The following MAPK4 variants were observed in gnomAD, a reference collection of about 807,000 sequenced individuals.
The protein encoded by MAPK4 is Erk3-related.
A neutral mutation model predicts 47.7 loss-of-function variants in MAPK4; 22 were observed. That is an observed-to-expected ratio of 0.46 (90% CI 0.33 to 0.66). MAPK4 has a LOEUF of 0.66. MAPK4 is among the 30% of genes least tolerant of loss of function. MAPK4 has a pLI of 0.02. For synonymous variants in MAPK4, 390 were observed against 365.7 expected, an observed-to-expected ratio of 1.07 and a Z score of -0.76; for missense variants, 736 against 831.7, an observed-to-expected ratio of 0.88 and a Z score of 1.42.
chr18:50,709,616 T>C (rs1171547990), intron 2 of MAPK4, among the ~76,000 whole-genome samples: 1 of 152,222 alleles, frequency 6.6e-6, no homozygotes, highest in East Asian at 1.9e-4. Context: ...CTGAGTGGTC[T>C]GCACATTCAC....
chr18:50,711,058 T>C (rs571123846), intron 2 of MAPK4, among the ~76,000 whole-genome samples: 1 of 152,290 alleles, frequency 6.6e-6, no homozygotes, highest in South Asian at 2.1e-4. Context: ...GGAGTGACTT[T>C]GATCCAGGCT....
intron 2 of MAPK4, among the ~76,000 whole-genome samples, chr18:50,686,185 C>G (rs1215942890): frequency 1.3e-5 from 2 of 152,186 alleles, no homozygotes; most frequent in African/African-American, 4.8e-5. Flanking sequence ...GCAGACCAAG[C>G]TGCCAAATGT....
At chr18:50,585,016 G>A (rs1424294651) in intron 1 of MAPK4, among the ~76,000 whole-genome samples, 1 of 152,200 alleles carries the variant, frequency 6.6e-6, no homozygotes, top group Non-Finnish European at 1.5e-5. Context: ...TTGATTCTGT[G>A]TTGGAAAGGT....
At chr18:50,566,476 T>G (rs2042199236) in intron 1 of MAPK4, among the ~76,000 whole-genome samples, 1 of 152,246 alleles carries the variant, frequency 6.6e-6, no homozygotes. Flanking sequence ...CCCATCCCCT[T>G]GACACTCAGT....
chr18:50,560,319 G>A (rs932893127), intron 1 of MAPK4, 76 bp downstream of exon 1: 2 of 152,112 alleles, frequency 1.3e-5, no homozygotes, highest in Non-Finnish European at 2.9e-5. Context: ...CCGGAGAAGC[G>A]GGGAAGAGAT....
chr18:50,659,119 C>A (rs1270860363), intron 1 of MAPK4, among the ~76,000 whole-genome samples: 2 of 152,194 alleles, frequency 1.3e-5, no homozygotes, highest in African/African-American at 4.8e-5. Context: ...GGCTGTATGT[C>A]CTACAAACAT....
intron 5 of MAPK4, among the ~76,000 whole-genome samples, chr18:50,728,012 T>C (rs1911297398): frequency 6.6e-6 from 1 of 152,218 alleles, no homozygotes; most frequent in Admixed American, 6.5e-5. Flanking sequence ...GTAGGAGCAA[T>C]TCCTGCCCTA....
At position 50,729,401 on chromosome 18, in the gene MAPK4, C is replaced by T; in HGVS notation, c.1311C>T (p.Tyr437=). 1.3e-6 allele frequency: 2 copies of T among 1,561,702 alleles called. No homozygotes were observed. The highest frequency in any genetic ancestry group is 1.7e-6 in the Non-Finnish European group (2 of 1,156,194). ...SCDYKVGSPS[Y]LDKLLWRDNK... The stretch of plus-strand genomic sequence containing the variant: ...ACTACAAGGTGGGGTCGCCGTCCTA[C>T]CTGGACAAGCTGCTGTGGCGCGACA... The change falls in exon 6 of 6, where the codon TAC becomes TAT. Residue 437 remains tyrosine (Y), a synonymous_variant. Coordinates refer to ENST00000400384, the MANE Select transcript of MAPK4 (RefSeq NM_002747.4).
intron 2 of MAPK4, among the ~76,000 whole-genome samples, chr18:50,697,967 G>A (rs1909597880): frequency 6.6e-6 from 1 of 152,140 alleles, no homozygotes; most frequent in African/African-American, 2.4e-5. Context: ...ATACTGAACT[G>A]TTGTAAGCCT....
At chr18:50,666,530 C>T (rs1907612444) in intron 2 of MAPK4, among the ~76,000 whole-genome samples, 1 of 152,194 alleles carries the variant, frequency 6.6e-6, no homozygotes, top group South Asian at 2.1e-4. Flanking sequence ...GACCAAGGCT[C>T]ACACGATCCC....
At chr18:50,578,278 C>G (rs1487273195) in intron 1 of MAPK4, among the ~76,000 whole-genome samples, 1 of 152,222 alleles carries the variant, frequency 6.6e-6, no homozygotes, top group East Asian at 1.9e-4. Flanking sequence ...ATCTGAGCCG[C>G]TTCTAATGGT....
In MAPK4 at chr18:50,729,584, G is replaced by A; in HGVS notation, c.1494G>A (p.Lys498=). ...TCCTGGAGATCGCGCAGTGGGTCAAGAGCACGCAGGGCGGCCCAGAGCACG... is the reference window on the plus strand; with the variant it reads ...TCCTGGAGATCGCGCAGTGGGTCAAAAGCACGCAGGGCGGCCCAGAGCACG... ...SLFLEIAQWV[K]STQGGPEHAS... The change falls in exon 6 of 6, where the codon AAG becomes AAA. Residue 498 remains lysine (K), a synonymous_variant. Transcript: ENST00000400384. The A allele has an allele frequency of 7.1e-7, 1 of 1,416,140 alleles. No individual in the cohort carries two copies. Among genetic ancestry groups the A allele is most frequent in the South Asian group, 1.6e-5 (1 of 61,164 alleles). 87.7% of individuals were successfully genotyped at this position (1,416,140 alleles called of 1,614,324 possible).
intron 1 of MAPK4, among the ~76,000 whole-genome samples, chr18:50,601,658 A>G (rs1337328023): frequency 6.6e-6 from 1 of 152,148 alleles, no homozygotes; most frequent in Non-Finnish European, 1.5e-5. Context: ...TGCAAGCTTC[A>G]CCTGGCTCTT....
intron 1 of MAPK4, among the ~76,000 whole-genome samples, chr18:50,646,720 A>G (rs977277752): frequency 6.6e-6 from 1 of 151,920 alleles, no homozygotes; most frequent in Non-Finnish European, 1.5e-5. Flanking sequence ...ATCTGGCCCC[A>G]CTTCTTTCCT....
chr18:50,568,541 C>T (rs929477506), intron 1 of MAPK4, among the ~76,000 whole-genome samples: 2 of 152,224 alleles, frequency 1.3e-5, no homozygotes, highest in African/African-American at 2.4e-5. Context: ...TTAATAACTG[C>T]TAACTACCTC....
intron 2 of MAPK4, among the ~76,000 whole-genome samples, chr18:50,706,457 GTTTTTTT>G (rs762283107): frequency 1.1e-4 from 16 of 140,266 alleles, no homozygotes; most frequent in Non-Finnish European, 1.7e-4. Context: ...CTGAACGTCA[GTTTTTTT>G]TTTTTTTTAA....
chr18:50,606,964 C>A (rs1305990395), intron 1 of MAPK4, among the ~76,000 whole-genome samples: 5 of 152,206 alleles, frequency 3.3e-5, no homozygotes. Context: ...TGAGCCGAGT[C>A]CCTGTCAATG....
At chr18:50,568,943 T>A (rs1050807609) in intron 1 of MAPK4, among the ~76,000 whole-genome samples, 3 of 152,242 alleles carry the variant, frequency 2.0e-5, no homozygotes, top group Non-Finnish European at 4.4e-5. Flanking sequence ...TGGGTCTTGG[T>A]TCTTTATTGT....
chr18:50,637,069 C>A (rs181812196), intron 1 of MAPK4, among the ~76,000 whole-genome samples: 9 of 151,872 alleles, frequency 5.9e-5, no homozygotes, highest in African/African-American at 2.2e-4. Flanking sequence ...GAACACTGGA[C>A]GGGAGCTCAG....
Sources: gnomAD v4.1 joint callset for allele counts (sites outside exome capture counted in the v4.1 genomes callset) on GRCh38, gnomAD v4.1.1 for gene constraint, MANE v1.5 for transcripts, NCBI Gene and HGNC (gene_info 2026-07-23, HGNC 2026-07-21) for gene names.